Variants in CUX1 observed in about 807,000 individuals in gnomAD.
CUX1 encodes protein CASP.
A neutral mutation model predicts 158.8 loss-of-function variants in CUX1; 31 were observed. The observed-to-expected ratio is 0.20, with a 90% CI of 0.15 to 0.26. CUX1 has a LOEUF of 0.26. Ranked by LOEUF, CUX1 falls within the 10% of genes least tolerant of loss-of-function variation. The pLI is 1.00. For synonymous variants in CUX1, 879 were observed against 862.1 expected (o/e 1.02, Z -0.34); for missense variants, 1,589 against 2,014.6 (o/e 0.79, Z 4.04).
At chr7:102,095,107 C>A (rs980975003) in intron 4 of CUX1, among the ~76,000 whole-genome samples, 13 of 152,062 alleles carry the variant, frequency 8.5e-5, no homozygotes, top group African/African-American at 2.7e-4. Flanking sequence ...TCAAGGACTT[C>A]TCATGCCTTA....
intron 11 of CUX1, among the ~76,000 whole-genome samples, chr7:102,186,162 A>G (rs149039839): frequency 2.7e-4 from 41 of 152,106 alleles, no homozygotes; most frequent in Admixed American, 2.7e-3. Context: ...TTTTTTCCAC[A>G]CTGGGCATTT....
At chr7:102,003,557 G>C (rs942409430) in intron 2 of CUX1, among the ~76,000 whole-genome samples, 2 of 152,178 alleles carry the variant, frequency 1.3e-5, no homozygotes, top group Non-Finnish European at 2.9e-5. Flanking sequence ...AGGGGCTCCT[G>C]TACCATGTAT....
chr7:101,975,846 G>A (rs1812597295), intron 2 of CUX1, among the ~76,000 whole-genome samples: 1 of 152,066 alleles, frequency 6.6e-6, no homozygotes, highest in South Asian at 2.1e-4. Flanking sequence ...CACTTTTAAA[G>A]AGCATGAATT....
chr7:102,153,121 G>A (rs1204373130), intron 8 of CUX1, among the ~76,000 whole-genome samples: 1 of 152,190 alleles, frequency 6.6e-6, no homozygotes, highest in Admixed American at 6.5e-5. Flanking sequence ...GATGAGGCGT[G>A]GTTTTCCGGA....
chr7:101,999,525 G>C (rs907911327), intron 2 of CUX1, among the ~76,000 whole-genome samples: 2 of 152,038 alleles, frequency 1.3e-5, no homozygotes, highest in African/African-American at 4.8e-5. Flanking sequence ...GATTGATGTC[G>C]GCTACATCTA....
chr7:102,008,232 T>C (rs1817606989), intron 2 of CUX1, among the ~76,000 whole-genome samples: 1 of 152,180 alleles, frequency 6.6e-6, no homozygotes, highest in South Asian at 2.1e-4. Context: ...GGGGCTTCGG[T>C]GATCTGGGAG....
At chr7:102,153,540 G>T (rs1835924578) in intron 8 of CUX1, 7 of 152,276 alleles carry the variant, frequency 4.6e-5, no homozygotes, top group Admixed American at 4.6e-4. Context: ...TGGCCAGAGG[G>T]TTTTCCTGGT....
At chr7:101,848,193 C>T (rs967413568) in intron 1 of CUX1, among the ~76,000 whole-genome samples, 4 of 151,756 alleles carry the variant, frequency 2.6e-5, no homozygotes, top group East Asian at 3.9e-4. Context: ...TGTGTATTGA[C>T]GTTGTTTACA....
chr7:101,909,159 A>C (rs1002551527), intron 1 of CUX1, among the ~76,000 whole-genome samples: 2 of 151,592 alleles, frequency 1.3e-5, no homozygotes, highest in African/African-American at 4.8e-5. Context: ...CAGGTTTGGG[A>C]GGCCGAGGCG....
chr7:102,093,080 G>T (rs939226777), intron 4 of CUX1, among the ~76,000 whole-genome samples: 4 of 151,394 alleles, frequency 2.6e-5, no homozygotes, highest in Admixed American at 1.3e-4. Context: ...CAGCTAGTTG[G>T]TTCCGTTGCT....
chr7:101,844,055 A>G (rs1178711640), intron 1 of CUX1, among the ~76,000 whole-genome samples: 2 of 152,186 alleles, frequency 1.3e-5, no homozygotes, highest in Non-Finnish European at 2.9e-5. Context: ...TGAGTTCACC[A>G]GCCCTGGCCA....
chr7:101,817,698 A>T lies in CUX1; in HGVS notation c.30+29A>T, dbSNP rs549708908. ...AGCGGCGTGTGGGCCAGAAGTCCCG[A>T]GGTTGCAGGCGCGGAGGGAACCGGG... On this transcript the variant is annotated intron_variant, in intron 1 of 23. Transcript: ENST00000292535. This position sits in a 1 kb window ranked among gnomAD's most constrained non-coding sequence, Gnocchi z 4.1. 29 of 1,548,970 alleles carry T rather than the reference A, an allele frequency of 1.9e-5. No homozygotes were observed. The highest frequency in any genetic ancestry group is 2.4e-5 in the Non-Finnish European group (28 of 1,146,532).
At chr7:101,823,460 C>A (rs1049608372) in intron 1 of CUX1, among the ~76,000 whole-genome samples, 3 of 152,216 alleles carry the variant, frequency 2.0e-5, no homozygotes, top group African/African-American at 7.2e-5. Context: ...CACGACCCCC[C>A]AGAGTGGACC....
intron 2 of CUX1, among the ~76,000 whole-genome samples, chr7:101,946,780 G>T (rs896016638): frequency 6.6e-6 from 1 of 152,120 alleles, no homozygotes; most frequent in Non-Finnish European, 1.5e-5. Flanking sequence ...AGCCACAGGA[G>T]GCATAGACTT....
chr7:102,213,444 A>G (rs781987287), intron 20 of CUX1, among the ~76,000 whole-genome samples: 22 of 152,212 alleles, frequency 1.4e-4, no homozygotes, highest in Non-Finnish European at 2.2e-4. Flanking sequence ...CAACTAGGCT[A>G]GACACAGCCG....
At chr7:102,018,693 C>G (rs1818972674) in intron 2 of CUX1, among the ~76,000 whole-genome samples, 2 of 152,234 alleles carry the variant, frequency 1.3e-5, no homozygotes, top group South Asian at 4.2e-4. Context: ...AACCATTTCT[C>G]AAAGTTTCAG....
intron 10 of CUX1, among the ~76,000 whole-genome samples, chr7:102,175,447 CTTCTGCCAT>C (rs1156845780): frequency 1.3e-5 from 2 of 152,176 alleles, no homozygotes; most frequent in Non-Finnish European, 2.9e-5. Flanking sequence ...CTACATGTCA[CTTCTGCCAT>C]GTCCCCTCCT....
intron 8 of CUX1, among the ~76,000 whole-genome samples, chr7:102,156,121 G>A (rs1789722896): frequency 6.6e-6 from 1 of 152,168 alleles, no homozygotes; most frequent in African/African-American, 2.4e-5. Flanking sequence ...ATCGCTGTGT[G>A]TAGTTAAAGG....
chr7:102,182,088 G>A (rs1403002400), intron 11 of CUX1, among the ~76,000 whole-genome samples: 5 of 152,134 alleles, frequency 3.3e-5, no homozygotes, highest in East Asian at 1.9e-4. Context: ...TCGGACACAC[G>A]ATGGGGCCTT....
Sources: gnomAD v4.1 joint callset for allele counts (sites outside exome capture counted in the v4.1 genomes callset) on GRCh38, gnomAD v4.1.1 for gene constraint, Gnocchi (gnomAD v3.1) non-coding constraint, MANE v1.5 for transcripts, NCBI Gene and HGNC (gene_info 2026-07-23, HGNC 2026-07-21) for gene names.